Variants in CDS2 observed in about 807,000 individuals in gnomAD.
The protein encoded by CDS2 is phosphatidate cytidylyltransferase 2.
CDS2 carries 47 observed loss-of-function variants against 59.0 expected under a neutral mutation model. The observed-to-expected ratio is 0.80, with a 90% confidence interval of 0.63 to 1.02. CDS2 has a LOEUF of 1.02. CDS2 is among the 50% of genes least tolerant of loss of function. The pLI is 0.00. For synonymous variants in CDS2, 207 were observed against 206.4 expected, an observed-to-expected ratio of 1.00 and a Z score of -0.02; for missense variants, 356 against 558.9, an observed-to-expected ratio of 0.64 and a Z score of 3.66.
At chr20:5,139,198 C>T (rs1054129127) in intron 1 of CDS2, among the ~76,000 whole-genome samples, 12 of 152,066 alleles carry the variant, frequency 7.9e-5, no homozygotes, top group South Asian at 4.1e-4. Flanking sequence ...AAAAATTAGC[C>T]CGGTGTGGGA....
chr20:5,182,515 C>T lies in CDS2; in HGVS notation c.588+70C>T, dbSNP rs905922307. 1.8e-5 allele frequency: 24 copies of T among 1,345,092 alleles called. No individual in the cohort carries two copies. The Admixed American group carries it at 4.1e-4, about 23-fold the overall frequency. The allele number at this position is 1,345,092 out of a possible 1,614,324, so 83.3% of individuals were successfully genotyped here. ...GAAGTTTTTCAGGAACTCAACAAGC[C>T]TTTCATGCTTTCTGTGACAAATCAA... On this transcript the variant is annotated intron_variant, in intron 6 of 12. Coordinates refer to ENST00000460006, the MANE Select transcript of CDS2 (RefSeq NM_003818.4).
At chr20:5,156,994 A>C (rs113567882) in intron 1 of CDS2, among the ~76,000 whole-genome samples, 1 of 152,092 alleles carries the variant, frequency 6.6e-6, no homozygotes, top group South Asian at 2.1e-4. Flanking sequence ...CTACACTTGG[A>C]GTAGGGGGTG....
chr20:5,181,290 A>G (rs1388740096), intron 5 of CDS2, among the ~76,000 whole-genome samples: 1 of 152,218 alleles, frequency 6.6e-6, no homozygotes. Context: ...AATTGCAGAA[A>G]AAAACCAAAG....
chr20:5,168,755 G>C (rs1275595924), intron 1 of CDS2: 1 of 441,750 alleles, frequency 2.3e-6, no homozygotes, highest in Non-Finnish European at 4.5e-6. Flanking sequence ...CACAAATGCT[G>C]TTCTGGACTG....
At chr20:5,171,561 T>C (rs1342696582) in intron 1 of CDS2, among the ~76,000 whole-genome samples, 1 of 151,966 alleles carries the variant, frequency 6.6e-6, no homozygotes. Flanking sequence ...TTGCCGATGG[T>C]GTGTGGGTGT....
rs2091137369 is a variant in CDS2 at position 5,193,948 on chromosome 20, G to A, written c.*3714G>A. 2 of 152,186 alleles carry A rather than the reference G, an allele frequency of 1.3e-5. No individual in the cohort carries two copies. The highest frequency in any genetic ancestry group is 4.8e-5 in the African/African-American group (2 of 41,438). 9.4% of individuals were successfully genotyped at this position (152,186 alleles called of 1,614,324 possible). A position where few individuals can be genotyped will look rare whatever the true frequency, so the allele number is the denominator to read the frequency against. ...TGTGATTATGTGCTAAGAAAAGGGT[G>A]GAGTTGGGAGGACAATTTCACTTGA... On this transcript the variant is annotated 3_prime_UTR_variant, in exon 13 of 13. Transcript: ENST00000460006.
intron 1 of CDS2, among the ~76,000 whole-genome samples, chr20:5,139,728 T>C (rs1279302219): frequency 2.6e-5 from 4 of 152,184 alleles, no homozygotes; most frequent in African/African-American, 9.7e-5. Context: ...GGTAGGTTCC[T>C]TCTGTACTTA....
At chr20:5,175,348 C>G (rs577291461) in intron 3 of CDS2, 69 bp downstream of exon 3, 1 of 1,239,536 alleles carries the variant, frequency 8.1e-7, no homozygotes, top group Admixed American at 1.7e-5. Context: ...GTCTTAAGTG[C>G]GAGGTGTTGG....
chr20:5,175,128 G>T (rs2090985052), intron 2 of CDS2, 55 bp from the exon 3 acceptor site: 8 of 1,332,190 alleles, frequency 6.0e-6, no homozygotes, highest in Admixed American at 1.7e-5. Context: ...TTGTGCATTG[G>T]TTTTTTTCTG....
At chr20:5,132,345 G>T (rs191362524) in intron 1 of CDS2, among the ~76,000 whole-genome samples, 1 of 152,054 alleles carries the variant, frequency 6.6e-6, no homozygotes, top group Non-Finnish European at 1.5e-5. Context: ...TGATCCACCC[G>T]CCTTGGCCTC....
At chr20:5,178,987 G>A (rs2091013936) in intron 5 of CDS2, 31 bp downstream of exon 5, 2 of 1,606,470 alleles carry the variant, frequency 1.2e-6, no homozygotes, top group Admixed American at 1.7e-5. Flanking sequence ...CATTTCTTGT[G>A]TCTGTATTGT....
intron 1 of CDS2, among the ~76,000 whole-genome samples, chr20:5,163,965 GT>G (rs927664666): frequency 9.3e-4 from 141 of 151,542 alleles, no homozygotes; most frequent in African/African-American, 3.1e-3. Context: ...TAATTTTTGT[GT>G]TTTTAGTAGA....
At chr20:5,168,405 ACT>A (rs1481622289) in intron 1 of CDS2, among the ~76,000 whole-genome samples, 7 of 141,472 alleles carry the variant, frequency 4.9e-5, no homozygotes, top group Non-Finnish European at 7.6e-5. Flanking sequence ...ACAGAGCAAG[ACT>A]CTGTCCCCCC....
intron 1 of CDS2, among the ~76,000 whole-genome samples, chr20:5,155,126 C>T (rs778674884): frequency 6.6e-6 from 1 of 152,252 alleles, no homozygotes; most frequent in Non-Finnish European, 1.5e-5. Flanking sequence ...AAATGCAACT[C>T]ATTTATTACC....
rs2091112012 is a variant in CDS2, at chr20:5,191,188, CTG to C, written c.*958_*959del. ...TTACTCTTAAGAGGAGTGTGTGTGT[CTG>C]TGTTTGTTTTAAAAGTCACTTATTT... On this transcript the variant is annotated 3_prime_UTR_variant, in exon 13 of 13. Transcript: ENST00000460006. 6.6e-6 allele frequency: 1 copy of C among 152,594 alleles called. No individual in the cohort carries two copies. The highest frequency in any genetic ancestry group is 2.4e-5 in the African/African-American group (1 of 41,438). 9.5% of individuals were successfully genotyped at this position (152,594 alleles called of 1,614,324 possible).
At chr20:5,132,176 C>T (rs374971008) in intron 1 of CDS2, among the ~76,000 whole-genome samples, 50 of 152,046 alleles carry the variant, frequency 3.3e-4, no homozygotes, top group Admixed American at 9.2e-4. Context: ...TGGCTCACTG[C>T]AGCCTCTGCC....
intron 1 of CDS2, among the ~76,000 whole-genome samples, chr20:5,147,509 T>C (rs1483946339): frequency 6.6e-6 from 1 of 152,052 alleles, no homozygotes. Context: ...GTGTGGTAAA[T>C]AGAGGGATTA....
intron 1 of CDS2, chr20:5,128,606 A>G (rs879107929): frequency 6.6e-6 from 1 of 152,222 alleles, no homozygotes; most frequent in Admixed American, 6.5e-5. Context: ...ACAAAAACAA[A>G]AACATATTTT....
rs751283269 is a variant in CDS2, at chr20:5,190,092, T to G, written c.1206-10T>G. 1 of 1,613,716 alleles carries G rather than the reference T, an allele frequency of 6.2e-7. No individual in the cohort carries two copies. Among genetic ancestry groups the G allele is most frequent in the South Asian group, 1.1e-5 (1 of 91,076 alleles). ...CTAGCTCAGTGCTGTTTCTTCACAT[T>G]CTGTTCCAGAGGCCCTAACCCAAGC... On this transcript the variant is annotated splice_polypyrimidine_tract_variant and intron_variant, in intron 12 of 12. Transcript: ENST00000460006.
Sources: gnomAD v4.1 joint callset for allele counts (sites outside exome capture counted in the v4.1 genomes callset) on GRCh38, gnomAD v4.1.1 for gene constraint, MANE v1.5 for transcripts, NCBI Gene and HGNC (gene_info 2026-07-23, HGNC 2026-07-21) for gene names.